The following PDGFD variants were observed in gnomAD, a reference collection of about 807,000 sequenced individuals.
PDGFD encodes the protein platelet derived growth factor D, also known as platelet-derived growth factor D.
In PDGFD, 30 loss-of-function variants were observed where a neutral mutation model predicts 44.7. That is an observed-to-expected ratio of 0.67 (90% CI 0.50 to 0.91). The LOEUF is 0.91. Among genes scored for constraint, PDGFD ranks in the 40% least tolerant of loss-of-function variants. The pLI is 0.00. For missense variants in PDGFD, 445 were observed against 457.8 expected, an observed-to-expected ratio of 0.97 and a Z score of 0.25; for synonymous variants, 173 against 168.4, an observed-to-expected ratio of 1.03 and a Z score of -0.21.
intron 1 of PDGFD, among the ~76,000 whole-genome samples, chr11:104,071,352 T>C (rs930377165): frequency 6.6e-6 from 1 of 151,696 alleles, no homozygotes; most frequent in African/African-American, 2.4e-5. Context: ...ATGTATTATA[T>C]TTCTTTGTGT....
Position 103,950,353 on chromosome 11 carries a change from A to G in PDGFD, c.511-2629T>C, listed in dbSNP as rs1033401581. Among the ~76,000 whole-genome samples the G allele has an allele frequency of 2.7e-5, 4 of 150,038 alleles. No individual in the cohort carries two copies. In the East Asian group the frequency reaches 5.9e-4, roughly 22 times the overall value. ...CACTTGAGGTCAGGAGTTCAAGACC[A>G]GCCTGGCCAACATGGTGAAAACTCA... On this transcript the variant is annotated intron_variant, in intron 3 of 6. Coordinates refer to ENST00000393158, the MANE Select transcript of PDGFD (RefSeq NM_025208.5).
At chr11:103,999,937 A>C in intron 2 of PDGFD, 114 bp downstream of exon 2, 6 of 877,860 alleles carry the variant, frequency 6.8e-6, no homozygotes, top group Non-Finnish European at 1.1e-5. Flanking sequence ...AAGAAGCGAC[A>C]CATGTTGGGT....
chr11:103,934,352 A>C (rs1448047833), intron 5 of PDGFD, among the ~76,000 whole-genome samples: 1 of 152,182 alleles, frequency 6.6e-6, no homozygotes, highest in Non-Finnish European at 1.5e-5. Context: ...TAAAACTAGA[A>C]GGAGCTGAGA....
chr11:103,932,913 G>A (rs894236220), intron 5 of PDGFD, among the ~76,000 whole-genome samples: 3 of 152,004 alleles, frequency 2.0e-5, no homozygotes, highest in Non-Finnish European at 2.9e-5. Context: ...GGTGTAGTGC[G>A]AAAGTGTTAG....
At chr11:104,000,373 A>C (rs1859602187) in intron 1 of PDGFD, 118 bp from the exon 2 acceptor site, 2 of 908,674 alleles carry the variant, frequency 2.2e-6, no homozygotes, top group Non-Finnish European at 3.4e-6. Context: ...TTGCCTAAAA[A>C]CATTAAGTCT....
rs1861677931 is a variant in PDGFD at position 104,118,735 on chromosome 11, AAT to A, written c.124+45067_124+45068del. 1.8e-4 allele frequency among the ~76,000 whole-genome samples: 23 copies of A among 126,108 alleles called. No homozygotes were observed. The South Asian group carries it at 5.0e-3, about 28-fold the overall frequency. The allele number at this position is 126,108 out of a possible 152,430, so 82.7% of individuals were successfully genotyped here. Reference sequence around the variant, plus strand: ...TATATTATTATGTTATTAATATATTAATATATATTATTATATAGTATATATTA... The same window carrying A: ...TATATTATTATGTTATTAATATATTAATATATTATTATATAGTATATATTA... On this transcript the variant is annotated intron_variant, in intron 1 of 6. Transcript: ENST00000393158.
intron 3 of PDGFD, among the ~76,000 whole-genome samples, chr11:103,979,345 C>G (rs1489239103): frequency 6.6e-6 from 1 of 152,032 alleles, no homozygotes; most frequent in Admixed American, 6.6e-5. Flanking sequence ...GGTCAGCTTT[C>G]TTCCTATGTG....
At chr11:104,014,025 A>C (rs550875406) in intron 1 of PDGFD, among the ~76,000 whole-genome samples, 2 of 152,178 alleles carry the variant, frequency 1.3e-5, no homozygotes, top group African/African-American at 4.8e-5. Context: ...TCCAGTATTC[A>C]TCTTAAGAAG....
chr11:103,993,328 C>T (rs558961164), intron 3 of PDGFD, among the ~76,000 whole-genome samples: 17 of 151,886 alleles, frequency 1.1e-4, no homozygotes, highest in African/African-American at 3.9e-4. Context: ...CCTCCTGCCT[C>T]GGCCTCCCAA....
At chr11:103,959,643 C>T (rs949356237) in intron 3 of PDGFD, among the ~76,000 whole-genome samples, 1 of 152,162 alleles carries the variant, frequency 6.6e-6, no homozygotes, top group Non-Finnish European at 1.5e-5. Context: ...GCCAAGCACA[C>T]AGGTCGTGAG....
At chr11:104,078,003 C>A (rs944426468) in intron 1 of PDGFD, among the ~76,000 whole-genome samples, 1 of 140,444 alleles carries the variant, frequency 7.1e-6, no homozygotes, top group Non-Finnish European at 1.5e-5. Context: ...TGTCTCAGAG[C>A]ACTGGGCACA....
rs985982185 is a variant in PDGFD, at chr11:104,047,361, T to G, written c.125-47106A>C. ...AACTAACTTACACTCCCACCAACAG[T>G]GTAAATGCATTCCTATTTCTCCACA... is the stretch of plus-strand genomic sequence containing the variant. On this transcript the variant is annotated intron_variant, in intron 1 of 6. Coordinates refer to ENST00000393158, the MANE Select transcript of PDGFD (RefSeq NM_025208.5). Among the ~76,000 whole-genome samples the G allele has an allele frequency of 2.0e-5, 3 of 147,728 alleles. 1 individual carries two copies. The highest frequency in any genetic ancestry group is 4.5e-5 in the Non-Finnish European group (3 of 66,102).
rs1857999450 is a variant in PDGFD at position 103,909,776 on chromosome 11, G to C, written c.1031C>G (p.Ala344Gly). ...EPGHIKRRGR[A>G]KTMALVDIQL... Reference sequence around the variant, plus strand: ...GATGTCAACTAGAGCCATGGTCTTAGCTCTACCCCTCCTCTTGATGTGGCC... The same window carrying C: ...GATGTCAACTAGAGCCATGGTCTTACCTCTACCCCTCCTCTTGATGTGGCC... The change falls in exon 7 of 7, where the codon GCT becomes GGT. Residue 344 changes from alanine (A) to glycine (G), a missense_variant. Ala to Gly is a moderately conservative substitution (Grantham distance 60). Coordinates refer to ENST00000393158, the MANE Select transcript of PDGFD (RefSeq NM_025208.5). 1 of 1,614,104 alleles carries C rather than the reference G, an allele frequency of 6.2e-7. No homozygotes were observed. Among genetic ancestry groups the C allele is most frequent in the East Asian group, 2.2e-5 (1 of 44,888 alleles).
chr11:104,158,215 T>C lies in PDGFD; in HGVS notation c.124+5589A>G, dbSNP rs138357519. ...TACATTTTCTCAAGTAAAACTCTTA[T>C]GATGAACACACATATGTGAAGAAGA... On this transcript the variant is annotated intron_variant, in intron 1 of 6. Transcript: ENST00000393158. 4.4e-4 allele frequency among the ~76,000 whole-genome samples: 67 copies of C among 152,340 alleles called. No individual in the cohort carries two copies. In the East Asian group the frequency reaches 0.012, roughly 27 times the overall value.
chr11:104,049,161 G>C (rs1860487460), intron 1 of PDGFD, among the ~76,000 whole-genome samples: 1 of 152,100 alleles, frequency 6.6e-6, no homozygotes. Context: ...TATCTTCTAT[G>C]AATAAGGATA....
intron 1 of PDGFD, among the ~76,000 whole-genome samples, chr11:104,117,051 T>C (rs929438238): frequency 2.0e-5 from 3 of 151,922 alleles, no homozygotes; most frequent in African/African-American, 4.8e-5. Flanking sequence ...GTAGGTTTCA[T>C]ACCAGGGATG....
intron 6 of PDGFD, among the ~76,000 whole-genome samples, chr11:103,914,647 G>T (rs1337640304): frequency 1.3e-5 from 2 of 152,052 alleles, no homozygotes; most frequent in Non-Finnish European, 2.9e-5. Context: ...ACAACAAAAA[G>T]AGGAAATTTC....
intron 1 of PDGFD, among the ~76,000 whole-genome samples, chr11:104,011,561 A>G (rs773304009): frequency 3.3e-5 from 5 of 152,102 alleles, no homozygotes; most frequent in Non-Finnish European, 5.9e-5. Flanking sequence ...GCTGTCAGGA[A>G]GAGGAGCAAG....
intron 3 of PDGFD, among the ~76,000 whole-genome samples, chr11:103,970,504 G>A (rs1230050344): frequency 2.0e-5 from 3 of 152,084 alleles, no homozygotes; most frequent in Non-Finnish European, 4.4e-5. Context: ...TGATAAGACA[G>A]AAATCAGATT....
Sources: allele counts gnomAD v4.1 joint callset (sites outside exome capture counted in the v4.1 genomes callset), GRCh38; gene constraint gnomAD v4.1.1; transcripts MANE v1.5; gene names NCBI Gene and HGNC (gene_info 2026-07-23, HGNC 2026-07-21).